RUNDC3B: variants seen among roughly 807,000 people sequenced by gnomAD.
The protein encoded by RUNDC3B is RUN domain-containing protein 3B.
A neutral mutation model predicts 58.4 loss-of-function variants in RUNDC3B; 33 were observed. The ratio of observed to expected loss-of-function variants is 0.56; its 90% CI spans 0.43 to 0.75. The LOEUF (loss-of-function observed/expected upper bound fraction) is 0.75. Ranked by LOEUF, RUNDC3B falls within the 30% of genes least tolerant of loss-of-function variation. RUNDC3B has a pLI of 0.00. For synonymous variants in RUNDC3B, 193 were observed against 195.2 expected (o/e 0.99, Z 0.10); for missense variants, 501 against 535.7 (o/e 0.94, Z 0.64).
intron 2 of RUNDC3B, among the ~76,000 whole-genome samples, chr7:87,661,244 AT>A (rs969845595): frequency 1.3e-5 from 2 of 151,842 alleles, no homozygotes; most frequent in Non-Finnish European, 2.9e-5. Flanking sequence ...TCAAGCATTC[AT>A]TTTTTTGCAT....
intron 9 of RUNDC3B, 114 bp from the exon 10 acceptor site, chr7:87,816,027 G>C (rs1460617424): frequency 1.4e-6 from 1 of 715,080 alleles, no homozygotes; most frequent in African/African-American, 1.8e-5. Flanking sequence ...TAGGAGAAAT[G>C]CTGGGGAGAA....
intron 2 of RUNDC3B, among the ~76,000 whole-genome samples, chr7:87,656,536 A>T (rs895930860): frequency 3.3e-5 from 5 of 152,046 alleles, no homozygotes; most frequent in Admixed American, 6.6e-5. Context: ...GACACTTGAG[A>T]AAAAATGATA....
At chr7:87,642,974 C>T (rs1304280951) in intron 1 of RUNDC3B, among the ~76,000 whole-genome samples, 10 of 151,900 alleles carry the variant, frequency 6.6e-5, no homozygotes, top group African/African-American at 1.5e-4. Flanking sequence ...GGAGTGTAGA[C>T]GCATGACCAT....
chr7:87,684,921 T>C (rs746716245), intron 2 of RUNDC3B, among the ~76,000 whole-genome samples: 1 of 152,006 alleles, frequency 6.6e-6, no homozygotes, highest in African/African-American at 2.4e-5. Context: ...AAAAAAAAAG[T>C]GAACCTTGTT....
At chr7:87,731,337 T>A (rs981603737) in intron 4 of RUNDC3B, among the ~76,000 whole-genome samples, 4 of 151,870 alleles carry the variant, frequency 2.6e-5, no homozygotes, top group Non-Finnish European at 5.9e-5. Context: ...TTCATTAAAA[T>A]AAAGACAAGA....
chr7:87,765,451 C>T (rs180768637), intron 6 of RUNDC3B, among the ~76,000 whole-genome samples: 1 of 152,016 alleles, frequency 6.6e-6, no homozygotes, highest in Non-Finnish European at 1.5e-5. Flanking sequence ...AAACTTTCCT[C>T]TTAGCCCTGT....
Position 87,708,061 on chromosome 7 carries a change from A to C in RUNDC3B, c.373-2509A>C, listed in dbSNP as rs150956696. On this transcript the variant is annotated intron_variant, in intron 3 of 10. Coordinates refer to ENST00000394654, the MANE Select transcript of RUNDC3B (RefSeq NM_001134405.2). ...GCTTTTGTGTATTTTAAAAAAGAAT[A>C]GAGGCTGGAAATTGGTTACCAAAAC... 6.6e-4 allele frequency among the ~76,000 whole-genome samples: 101 copies of C among 152,294 alleles called. 1 individual carries two copies. In the East Asian group the frequency reaches 0.018, roughly 26 times the overall value.
rs1027794053 is a variant in RUNDC3B, at chr7:87,629,145, G to C, written c.122+200G>C. 7.0e-6 allele frequency: 3 copies of C among 428,758 alleles called. No homozygotes were observed. In the East Asian group the frequency reaches 1.1e-4, roughly 15 times the overall value. The allele number at this position is 428,758 out of a possible 1,614,324, so 26.6% of individuals were successfully genotyped here. A position where few individuals can be genotyped will look rare whatever the true frequency, so the allele number is the denominator to read the frequency against. Reference sequence around the variant, plus strand: ...ACACCGTCGCAGCCCTGGACTTTGTGTCAGTTCCAGTGCTGAAGGTACTGG... The same window carrying C: ...ACACCGTCGCAGCCCTGGACTTTGTCTCAGTTCCAGTGCTGAAGGTACTGG... On this transcript the variant is annotated intron_variant, in intron 1 of 10. Transcript: ENST00000394654.
intron 10 of RUNDC3B, among the ~76,000 whole-genome samples, chr7:87,822,606 C>G (rs1262767864): frequency 6.6e-6 from 1 of 152,154 alleles, no homozygotes. Flanking sequence ...TATAGCGGCA[C>G]TATTCACAAT....
chr7:87,722,177 A>G (rs1407900911), intron 4 of RUNDC3B, among the ~76,000 whole-genome samples: 6 of 152,004 alleles, frequency 3.9e-5, no homozygotes, highest in African/African-American at 1.4e-4. Context: ...TAACATATCT[A>G]TCACCTCTTA....
intron 4 of RUNDC3B, among the ~76,000 whole-genome samples, chr7:87,729,490 G>A (rs1409379944): frequency 1.3e-5 from 2 of 152,174 alleles, no homozygotes; most frequent in Non-Finnish European, 2.9e-5. Flanking sequence ...ACAGCAGAAA[G>A]CAACACAGGG....
intron 6 of RUNDC3B, among the ~76,000 whole-genome samples, chr7:87,759,641 A>T (rs190738150): frequency 1.8e-3 from 274 of 152,174 alleles, no homozygotes; most frequent in South Asian, 2.5e-3. Context: ...TACAAAAAAA[A>T]TTAAAAATTA....
At chr7:87,717,294 A>T (rs192698943) in intron 4 of RUNDC3B, among the ~76,000 whole-genome samples, 9 of 152,272 alleles carry the variant, frequency 5.9e-5, no homozygotes, top group Admixed American at 2.0e-4. Flanking sequence ...CAAATTATAA[A>T]TGAATGAAAT....
chr7:87,641,354 T>G (rs2130295050), intron 1 of RUNDC3B, among the ~76,000 whole-genome samples: 1 of 152,324 alleles, frequency 6.6e-6, no homozygotes, highest in South Asian at 2.1e-4. Context: ...TTCATCTTCC[T>G]CCATAAGATT....
chr7:87,638,155 TA>T (rs1388372348), intron 1 of RUNDC3B, among the ~76,000 whole-genome samples: 1 of 152,108 alleles, frequency 6.6e-6, no homozygotes. Context: ...CACTCTGGAA[TA>T]AAAAAACAAT....
intron 2 of RUNDC3B, among the ~76,000 whole-genome samples, chr7:87,665,249 A>G (rs1825108909): frequency 6.6e-6 from 1 of 152,212 alleles, no homozygotes; most frequent in Non-Finnish European, 1.5e-5. Context: ...AAGTCGTATG[A>G]TACAAAATCA....
chr7:87,726,492 T>C (rs1831239426), intron 4 of RUNDC3B, among the ~76,000 whole-genome samples: 1 of 152,202 alleles, frequency 6.6e-6, no homozygotes, highest in Non-Finnish European at 1.5e-5. Context: ...TTGGTTACTG[T>C]AGCATTGTAG....
At chr7:87,810,682 T>C (rs1457830264) in intron 9 of RUNDC3B, among the ~76,000 whole-genome samples, 2 of 152,206 alleles carry the variant, frequency 1.3e-5, no homozygotes, top group Non-Finnish European at 2.9e-5. Flanking sequence ...TTATTTCTCT[T>C]TACTATGCTG....
At chr7:87,742,595 G>T (rs1584070041) in intron 6 of RUNDC3B, among the ~76,000 whole-genome samples, 1 of 151,682 alleles carries the variant, frequency 6.6e-6, no homozygotes, top group African/African-American at 2.4e-5. Flanking sequence ...TAGATAGATA[G>T]ATAGATAGAT....
Sources: gnomAD v4.1 joint callset for allele counts (sites outside exome capture counted in the v4.1 genomes callset) on GRCh38, gnomAD v4.1.1 for gene constraint, MANE v1.5 for transcripts, NCBI Gene and HGNC (gene_info 2026-07-23, HGNC 2026-07-21) for gene names.